ETS1: variants seen among roughly 807,000 people sequenced by gnomAD.
ETS1 encodes protein C-ets-1.
A neutral mutation model predicts 58.6 loss-of-function variants in ETS1; 15 were observed. The observed-to-expected ratio is 0.26, with a 90% confidence interval of 0.17 to 0.39. The LOEUF (loss-of-function observed/expected upper bound fraction) is 0.39, where lower values mean the gene tolerates loss of function less well. ETS1 is among the 10% of genes least tolerant of loss of function. The pLI is 1.00. For missense variants in ETS1, 417 were observed against 610.5 expected, an observed-to-expected ratio of 0.68 and a Z score of 3.34; for synonymous variants, 214 against 218.2, an observed-to-expected ratio of 0.98 and a Z score of 0.17.
intron 6 of ETS1, 62 bp from the exon 7 acceptor site, chr11:128,485,133 C>T (rs993599320): frequency 1.6e-5 from 23 of 1,482,128 alleles, no homozygotes; most frequent in Non-Finnish European, 2.0e-5. Context: ...AAGCAGTTTT[C>T]ACCATCTACA....
chr11:128,522,246 C>T (rs1031383817), intron 3 of ETS1: 1 of 1,191,776 alleles, frequency 8.4e-7, no homozygotes, highest in African/African-American at 1.6e-5. Flanking sequence ...GCGCCCGCTC[C>T]TCCTGCCCGG....
At chr11:128,487,298 C>T (rs1862659158) in intron 5 of ETS1, among the ~76,000 whole-genome samples, 1 of 152,206 alleles carries the variant, frequency 6.6e-6, no homozygotes, top group Non-Finnish European at 1.5e-5. Context: ...CTCAAACATA[C>T]TGACTTATAT....
chr11:128,585,347 G>T (rs950543415), intron 1 of ETS1, among the ~76,000 whole-genome samples: 6 of 129,770 alleles, frequency 4.6e-5, no homozygotes, highest in Non-Finnish European at 9.8e-5. Flanking sequence ...AAGGAAGGAA[G>T]CAAGGAAGGA....
chr11:128,489,924 T>G (rs550552972), intron 4 of ETS1, among the ~76,000 whole-genome samples: 106 of 152,346 alleles, frequency 7.0e-4, no homozygotes, highest in African/African-American at 2.5e-3. Context: ...TCTCGATTAT[T>G]TTTTATCTTA....
chr11:128,544,622 T>C (rs1864105444), intron 3 of ETS1, among the ~76,000 whole-genome samples: 1 of 151,916 alleles, frequency 6.6e-6, no homozygotes, highest in Non-Finnish European at 1.5e-5. Flanking sequence ...TCCTAAAGAA[T>C]TCGCACACAA....
At chr11:128,566,531 C>A (rs111549172) in intron 2 of ETS1, among the ~76,000 whole-genome samples, 2 of 152,098 alleles carry the variant, frequency 1.3e-5, no homozygotes, top group East Asian at 3.9e-4. Flanking sequence ...CACCTGTAAT[C>A]CCAGCACTTT....
chr11:128,576,471 T>A (rs935828617), intron 1 of ETS1, among the ~76,000 whole-genome samples: 1 of 33,630 alleles, frequency 3.0e-5, no homozygotes, highest in African/African-American at 2.8e-4. Context: ...ATTGCATAAA[T>A]ACAAGCAATT....
intron 3 of ETS1, among the ~76,000 whole-genome samples, chr11:128,492,652 C>T (rs897737693): frequency 6.6e-6 from 1 of 152,184 alleles, no homozygotes; most frequent in Non-Finnish European, 1.5e-5. Context: ...GATTACATAA[C>T]ATCCAGCCCT....
At chr11:128,489,529 C>A (rs370011063) in intron 4 of ETS1, 39 bp from the exon 5 acceptor site, 2 of 1,530,346 alleles carry the variant, frequency 1.3e-6, no homozygotes, top group Non-Finnish European at 1.8e-6. Flanking sequence ...GCAGGTCGGG[C>A]TTTTAACTCC....
intron 3 of ETS1, among the ~76,000 whole-genome samples, chr11:128,502,369 C>A (rs1404400265): frequency 3.3e-4 from 50 of 152,186 alleles, no homozygotes. Flanking sequence ...CAGCCCAAAG[C>A]AATTAAGGCC....
At chr11:128,509,585 A>T (rs1223373758) in intron 3 of ETS1, among the ~76,000 whole-genome samples, 2 of 140,876 alleles carry the variant, frequency 1.4e-5, no homozygotes, top group Non-Finnish European at 3.0e-5. Context: ...TTACTTTCCC[A>T]CTACTAACAC....
chr11:128,485,327 G>A (rs1862599790), intron 6 of ETS1, among the ~76,000 whole-genome samples: 1 of 152,130 alleles, frequency 6.6e-6, no homozygotes, highest in African/African-American at 2.4e-5. Context: ...GGAGCACTGT[G>A]ATGAAGATGA....
chr11:128,494,837 T>C lies in ETS1; in HGVS notation c.215-4261A>G, dbSNP rs1048620809. ...GTGAAGACTGGAGCGTCTGGGATCCTAGGGTTAGGAGATGAGGGATACAGC... is the reference window on the plus strand; with the variant it reads ...GTGAAGACTGGAGCGTCTGGGATCCCAGGGTTAGGAGATGAGGGATACAGC... On this transcript the variant is annotated intron_variant, in intron 3 of 9. Transcript: ENST00000392668. Among the ~76,000 whole-genome samples the C allele has an allele frequency of 2.0e-5, 3 of 152,092 alleles. No homozygotes were observed. The East Asian group carries it at 5.8e-4, about 29-fold the overall frequency.
At chr11:128,582,077 T>A (rs1221294811) in intron 1 of ETS1, among the ~76,000 whole-genome samples, 1 of 152,210 alleles carries the variant, frequency 6.6e-6, no homozygotes, top group African/African-American at 2.4e-5. Flanking sequence ...AACAGCTTGC[T>A]AGCATTCTTA....
chr11:128,509,352 C>A (rs965713505), intron 3 of ETS1, among the ~76,000 whole-genome samples: 4 of 152,148 alleles, frequency 2.6e-5, no homozygotes, highest in African/African-American at 9.7e-5. Flanking sequence ...AGCTTCAAGC[C>A]CTAGGCTTGT....
At chr11:128,466,531 C>G (rs1296983634) in intron 8 of ETS1, among the ~76,000 whole-genome samples, 1 of 152,140 alleles carries the variant, frequency 6.6e-6, no homozygotes. Context: ...GTTAGTTTTC[C>G]TTTTCTACCA....
intron 3 of ETS1, chr11:128,527,520 A>T (rs1002791030): frequency 6.5e-6 from 1 of 154,878 alleles, no homozygotes; most frequent in Admixed American, 6.2e-5. Context: ...AATTGCTGCA[A>T]ATGCAGAATG....
intron 3 of ETS1, among the ~76,000 whole-genome samples, chr11:128,553,874 G>C (rs1005884780): frequency 6.6e-6 from 1 of 152,086 alleles, no homozygotes; most frequent in Non-Finnish European, 1.5e-5. Flanking sequence ...GGGGAGCAGT[G>C]GTGGGCAGTA....
At chr11:128,559,383 C>T (rs1198065812) in intron 2 of ETS1, among the ~76,000 whole-genome samples, 2 of 152,258 alleles carry the variant, frequency 1.3e-5, no homozygotes, top group African/African-American at 4.8e-5. Context: ...TAGGTCAACT[C>T]ACAGGCTTTG....
Sources: gnomAD v4.1 joint callset for allele counts (sites outside exome capture counted in the v4.1 genomes callset) on GRCh38, gnomAD v4.1.1 for gene constraint, MANE v1.5 for transcripts, NCBI Gene and HGNC (gene_info 2026-07-23, HGNC 2026-07-21) for gene names.